Variants in PTPRH observed in about 807,000 individuals in gnomAD.
PTPRH encodes receptor-type tyrosine-protein phosphatase H.
A neutral mutation model predicts 130.2 loss-of-function variants in PTPRH; 113 were observed. The observed-to-expected ratio is 0.87, with a 90% CI of 0.75 to 1.01. The LOEUF (loss-of-function observed/expected upper bound fraction) is 1.01. Among genes scored for constraint, PTPRH ranks in the 50% least tolerant of loss-of-function variants. The pLI, the probability that PTPRH is intolerant of heterozygous loss-of-function variation, is 0.00. For synonymous variants in PTPRH, 556 were observed against 577.9 expected (o/e 0.96, Z 0.54); for missense variants, 1,430 against 1,425.0 (o/e 1.00, Z -0.06).
At chr19:55,193,984 G>T in intron 10 of PTPRH, 5 of 371,242 alleles carry the variant, frequency 1.3e-5, no homozygotes, top group South Asian at 1.0e-4. Context: ...GAGTAGTTGG[G>T]ATGACAGACA....
At chr19:55,182,202 C>T (rs11669300) in intron 18 of PTPRH, 51 bp from the exon 19 acceptor site, 105,493 of 1,587,204 alleles carry the variant, frequency 0.066, 4,008 homozygotes, top group Middle Eastern at 0.17. Context: ...TGTGAGGGTC[C>T]GGGGTCATGG....
chr19:55,202,065 C>A lies in PTPRH; in HGVS notation c.1144G>T (p.Ala382Ser). ...GGCGACTGCCTCTCACCTGTGGTGG[C>A]ATTTCGAGTCTCCCGGGAGCTGTTG... ...GINSSRETRN[A>S]TTAPNPVRNL... Residue 382 changes from alanine (A) to serine (S), a missense_variant, in exon 6 of 20, where the codon GCC (alanine) becomes TCC (serine). By Grantham distance (99) the Ala-to-Ser change is moderately conservative. Coordinates refer to ENST00000376350, the MANE Select transcript of PTPRH (RefSeq NM_002842.5). 6.2e-7 allele frequency: 1 copy of A among 1,613,984 alleles called. No homozygotes were observed. Among genetic ancestry groups the A allele is most frequent in the Non-Finnish European group, 8.5e-7 (1 of 1,179,866 alleles).
At chr19:55,207,022 A>G in intron 2 of PTPRH, 67 bp from the exon 3 acceptor site, 1 of 1,550,018 alleles carries the variant, frequency 6.5e-7, no homozygotes, top group Non-Finnish European at 8.7e-7. Flanking sequence ...CCAACCCCTG[A>G]GCTCACGCCC....
intron 5 of PTPRH, among the ~76,000 whole-genome samples, chr19:55,203,020 A>AGAGG (rs2086914523): frequency 6.7e-6 from 1 of 149,106 alleles, no homozygotes; most frequent in African/African-American, 2.5e-5. Flanking sequence ...CCTGGGAGAC[A>AGAGG]GAGACTCTGT....
At chr19:55,191,950 C>T in intron 10 of PTPRH, 1 of 666,992 alleles carries the variant, frequency 1.5e-6, no homozygotes, top group Non-Finnish European at 2.7e-6. Flanking sequence ...AAGACCAGCC[C>T]CTCTCCTACC....
chr19:55,207,263 G>A lies in PTPRH; in HGVS notation c.52-64C>T, dbSNP rs928641766. 5.7e-5 allele frequency: 89 copies of A among 1,558,900 alleles called. No individual in the cohort carries two copies. In the African/African-American group the frequency reaches 1.0e-3, roughly 18 times the overall value. On this transcript the variant is annotated intron_variant, in intron 1 of 19. Coordinates refer to ENST00000376350, the MANE Select transcript of PTPRH (RefSeq NM_002842.5). ...CCACTCCTCCGCCCAGTGAGGCCGA[G>A]GGGCTGGGAGGAGCGGCTGGTCCCC... is the stretch of plus-strand genomic sequence containing the variant.
chr19:55,200,265 C>A lies in PTPRH; in HGVS notation c.1391G>T (p.Gly464Val). 1.2e-6 allele frequency: 2 copies of A among 1,614,218 alleles called. No individual in the cohort carries two copies. Among genetic ancestry groups the A allele is most frequent in the Non-Finnish European group, 1.7e-6 (2 of 1,180,042 alleles). The change falls in exon 7 of 20, where the codon GGC becomes GTC. Residue 464 changes from glycine (G) to valine (V), a missense_variant. Gly to Val is a moderately radical substitution (Grantham distance 109, BLOSUM62 -3). Transcript: ENST00000376350. ...GGAGATGCTGACATTCTGCCTGGAG[C>A]CACGTGCTCCATTTTTTTCTGCCCA... ...SVWAEKNGARGSRQNVSISTV... is the reference protein window; with the variant it reads ...SVWAEKNGARVSRQNVSISTV...
In PTPRH at chr19:55,181,657, T is replaced by C. The variant is rs914666344; in HGVS notation, c.*97A>G. On this transcript the variant is annotated 3_prime_UTR_variant, in exon 20 of 20. Coordinates refer to ENST00000376350, the MANE Select transcript of PTPRH (RefSeq NM_002842.5). ...CCCCTCCTCCCACAGCACCCAGGAG[T>C]CTGGGAGCCCAGCCCTCTGCTCTTC... The C allele has an allele frequency of 6.6e-7, 1 of 1,513,160 alleles. No individual in the cohort carries two copies. Among genetic ancestry groups the C allele is most frequent in the African/African-American group, 1.4e-5 (1 of 72,680 alleles). The allele number at this position is 1,513,160 out of a possible 1,614,324, so 93.7% of individuals were successfully genotyped here.
In PTPRH at chr19:55,186,327, G is replaced by T. The variant is rs143276596; in HGVS notation, c.2676C>A (p.Thr892=). ...CCACTGTCTGTGGCAGGGGACCCTG[G>T]GTTGCAATGAACTCCTGGGGGCTCC... The part of the protein sequence containing the change: ...GLWSPQEFIA[T]QGPLPQTVGD... The change falls in exon 16 of 20, where the codon ACC becomes ACA. Residue 892 remains threonine, a synonymous_variant. Transcript: ENST00000376350. 1.9e-6 allele frequency: 3 copies of T among 1,613,966 alleles called. No individual in the cohort carries two copies. The African/African-American group carries it at 4.0e-5, about 22-fold the overall frequency.
At chr19:55,182,646 C>A (rs2086210581) in intron 18 of PTPRH, among the ~76,000 whole-genome samples, 1 of 152,054 alleles carries the variant, frequency 6.6e-6, no homozygotes, top group Non-Finnish European at 1.5e-5. Flanking sequence ...GATGTACTAG[C>A]TCCATTGTAC....
chr19:55,194,725 T>C (rs1310862602), intron 10 of PTPRH, among the ~76,000 whole-genome samples: 1 of 152,168 alleles, frequency 6.6e-6, no homozygotes, highest in Non-Finnish European at 1.5e-5. Context: ...TAGTTAAATG[T>C]ATAGTTCCCA....
chr19:55,194,254 C>T (rs1440543562), intron 10 of PTPRH: 1 of 1,289,768 alleles, frequency 7.8e-7, no homozygotes, highest in Admixed American at 2.3e-5. Context: ...TATGGCCCAT[C>T]TTCATCAGCC....
Position 55,185,489 on chromosome 19 carries a change from G to A in PTPRH, c.3062+13C>T. ...GGTTCTCTCAAGGGAGAGGGTCCTG[G>A]GCTGGTCCCCACCTGCAGTGCACAA... is the stretch of plus-strand genomic sequence containing the variant. On this transcript the variant is annotated intron_variant, in intron 18 of 19. Transcript: ENST00000376350. The A allele has an allele frequency of 6.2e-7, 1 of 1,613,750 alleles. No homozygotes were observed. The highest frequency in any genetic ancestry group is 2.2e-5 in the East Asian group (1 of 44,876).
At chr19:55,193,466 T>C (rs754241187) in intron 10 of PTPRH, among the ~76,000 whole-genome samples, 1 of 152,034 alleles carries the variant, frequency 6.6e-6, no homozygotes, top group Admixed American at 6.6e-5. Flanking sequence ...AAAAAGTGAT[T>C]CTTGCCTTCC....
rs554986537 is a variant in PTPRH, at chr19:55,186,188, C to G, written c.2778+37G>C. On this transcript the variant is annotated intron_variant, in intron 16 of 19. Transcript: ENST00000376350. ...TTGGATGAGTGTTCGGGGCGGGGTC[C>G]TGCACCCAGTCAGCACCCAGGACTC... is the stretch of plus-strand genomic sequence containing the variant. The G allele has an allele frequency of 2.5e-6, 4 of 1,593,098 alleles. No individual in the cohort carries two copies. In the South Asian group the frequency reaches 4.5e-5, roughly 18 times the overall value.
chr19:55,197,472 G>T, intron 8 of PTPRH, 56 bp from the exon 9 acceptor site: 1 of 1,487,850 alleles, frequency 6.7e-7, no homozygotes, highest in Non-Finnish European at 9.2e-7. Context: ...TCCTACCCCA[G>T]CCTGTCTGCC....
chr19:55,200,543 A>C, intron 6 of PTPRH, 41 bp from the exon 7 acceptor site: 1 of 1,601,772 alleles, frequency 6.2e-7, no homozygotes, highest in African/African-American at 1.3e-5. Flanking sequence ...TCGGAGATAC[A>C]GAACAGAACG....
intron 18 of PTPRH, among the ~76,000 whole-genome samples, chr19:55,183,717 C>G (rs1028171764): frequency 4.0e-5 from 6 of 151,774 alleles, no homozygotes; most frequent in African/African-American, 1.5e-4. Flanking sequence ...TAGCGAGACT[C>G]TGTCTCCACA....
intron 7 of PTPRH, among the ~76,000 whole-genome samples, chr19:55,199,785 G>C (rs185988154): frequency 6.9e-6 from 1 of 145,052 alleles, no homozygotes; most frequent in Non-Finnish European, 1.5e-5. Context: ...AAGAGAGAGA[G>C]ACAGAAAAAA....
Sources: gnomAD v4.1 joint callset for allele counts (sites outside exome capture counted in the v4.1 genomes callset) on GRCh38, gnomAD v4.1.1 for gene constraint, MANE v1.5 for transcripts, NCBI Gene and HGNC (gene_info 2026-07-23, HGNC 2026-07-21) for gene names.